Variants in PRICKLE1 observed in about 807,000 individuals in gnomAD.
PRICKLE1 encodes prickle planar cell polarity protein 1.
A neutral mutation model predicts 70.2 loss-of-function variants in PRICKLE1; 14 were observed. The observed-to-expected ratio is 0.20, with a 90% CI of 0.13 to 0.31. PRICKLE1 has a LOEUF of 0.31. Among genes scored for constraint, PRICKLE1 ranks in the 10% least tolerant of loss-of-function variants. The pLI is 1.00. For missense variants in PRICKLE1, 821 were observed against 1,026.2 expected (o/e 0.80, Z 2.73); for synonymous variants, 357 against 379.9 (o/e 0.94, Z 0.70).
chr12:42,547,940 T>A (rs1277702374), intron 1 of PRICKLE1, among the ~76,000 whole-genome samples: 1 of 152,216 alleles, frequency 6.6e-6, no homozygotes, highest in African/African-American at 2.4e-5. Context: ...AGTCTCAACA[T>A]GAAATTTAAT....
At chr12:42,575,076 C>G (rs1045767987) in intron 1 of PRICKLE1, among the ~76,000 whole-genome samples, 5 of 151,008 alleles carry the variant, frequency 3.3e-5, no homozygotes, top group African/African-American at 9.7e-5. Flanking sequence ...GTCATAAAAG[C>G]ATAATATTCA....
At chr12:42,477,482 GTATATATA>G (rs139988285) in intron 1 of PRICKLE1, among the ~76,000 whole-genome samples, 2,896 of 113,118 alleles carry the variant, frequency 0.026, 56 homozygotes, top group South Asian at 0.046. Flanking sequence ...GTGTGTGTGT[GTATATATA>G]TATATATATA....
chr12:42,465,357 G>A, intron 6 of PRICKLE1, 99 bp from the exon 7 acceptor site: 1 of 1,181,204 alleles, frequency 8.5e-7, no homozygotes, highest in African/African-American at 1.5e-5. Context: ...TTATGGGTAT[G>A]GGGGAGCTGT....
rs12319478 is a variant in PRICKLE1 at position 42,572,625 on chromosome 12, C to A, written c.-49+16840G>T. 5.8e-3 allele frequency among the ~76,000 whole-genome samples: 885 copies of A among 151,882 alleles called. 10 individuals are homozygous for A. Among genetic ancestry groups the A allele is most frequent in the African/African-American group, 0.021 (852 of 41,402 alleles). On this transcript the variant is annotated intron_variant, in intron 1 of 7. Coordinates refer to ENST00000345127, the MANE Select transcript of PRICKLE1 (RefSeq NM_153026.3). ...GTCATTTGAGTCTAGGAGTTTGTGA[C>A]CAGCCTGGGCAATAAAGTGAGACCT...
chr12:42,479,137 C>T (rs987163282), intron 1 of PRICKLE1, among the ~76,000 whole-genome samples: 3 of 152,204 alleles, frequency 2.0e-5, no homozygotes, highest in African/African-American at 7.2e-5. Flanking sequence ...ATTAAAGCTC[C>T]TATTGCAACG....
At position 42,459,978 on chromosome 12, in the gene PRICKLE1, C is replaced by G; in HGVS notation, c.2327G>C (p.Gly776Ala). The change falls in exon 8 of 8, where the codon GGA becomes GCA. Residue 776 changes from glycine (G) to alanine (A), a missense_variant. By Grantham distance (60) the Gly-to-Ala change is moderately conservative. Transcript: ENST00000345127. ...SSSSSDSEEE[G>A]YFLGQPIPQP... Reference sequence around the variant, plus strand: ...AGGGATTGGTTGTCCAAGAAAATATCCTTCTTCTTCCGAGTCGGAAGAGGA... The same window carrying G: ...AGGGATTGGTTGTCCAAGAAAATATGCTTCTTCTTCCGAGTCGGAAGAGGA... 1 of 1,614,100 alleles carries G rather than the reference C, an allele frequency of 6.2e-7. No individual in the cohort carries two copies. The highest frequency in any genetic ancestry group is 8.5e-7 in the Non-Finnish European group (1 of 1,180,022).
intron 1 of PRICKLE1, among the ~76,000 whole-genome samples, chr12:42,499,736 T>G (rs1451966244): frequency 1.3e-5 from 2 of 149,854 alleles, no homozygotes; most frequent in East Asian, 3.9e-4. Flanking sequence ...ATTTATTTAT[T>G]TATTTATTTG....
At chr12:42,527,179 A>C (rs11181538) in intron 1 of PRICKLE1, among the ~76,000 whole-genome samples, 78,552 of 137,608 alleles carry the variant, frequency 0.57, 21,982 homozygotes, top group Middle Eastern at 0.72. Flanking sequence ...GTAGCCCCGG[A>C]TGGAGTGCAG....
At chr12:42,463,492 G>C (rs186779180) in intron 7 of PRICKLE1, 1 of 152,134 alleles carries the variant, frequency 6.6e-6, no homozygotes, top group African/African-American at 2.4e-5. Flanking sequence ...GGCTGAGGCG[G>C]GTGGATCACC....
intron 1 of PRICKLE1, among the ~76,000 whole-genome samples, chr12:42,481,375 A>G (rs1938787035): frequency 6.6e-6 from 1 of 152,214 alleles, no homozygotes; most frequent in Non-Finnish European, 1.5e-5. Flanking sequence ...TAGTTCCTAT[A>G]TGAAGACTAC....
chr12:42,494,850 A>G (rs2063516634), intron 1 of PRICKLE1, among the ~76,000 whole-genome samples: 1 of 148,502 alleles, frequency 6.7e-6, no homozygotes, highest in Admixed American at 6.7e-5. Context: ...ATAAAATTCG[A>G]TTATGAGATT....
rs774311546 is a variant in PRICKLE1 at position 42,457,929 on chromosome 12, A to C, written c.*1880T>G. 19 of 152,168 alleles carry C rather than the reference A, an allele frequency of 1.2e-4. No homozygotes were observed. The highest frequency in any genetic ancestry group is 3.3e-4 in the Admixed American group (5 of 15,266). The allele number at this position is 152,168 out of a possible 1,614,324, so 9.4% of individuals were successfully genotyped here. ...CTGTCTCTGACTTTTGCCCTATTTG[A>C]ATTTTTTTGTCATGTGTATGCACTT... On this transcript the variant is annotated 3_prime_UTR_variant, in exon 8 of 8. Transcript: ENST00000345127.
At chr12:42,570,994 T>C (rs776572910) in intron 1 of PRICKLE1, among the ~76,000 whole-genome samples, 1 of 152,216 alleles carries the variant, frequency 6.6e-6, no homozygotes, top group African/African-American at 2.4e-5. Flanking sequence ...CATATTAATG[T>C]CAACAATAAC....
In PRICKLE1 at chr12:42,466,282, C is replaced by T. The variant is rs761315405; in HGVS notation, c.687G>A (p.Arg229=). The change falls in exon 6 of 8, where the codon AGG becomes AGA. Residue 229 remains arginine, a synonymous_variant. Transcript: ENST00000345127. Reference sequence around the variant, plus strand: ...AGGGGCGGCCGTCCTTCATGATATACCTCTGTCCTCCCAGGACCGTTTCAC... The same window carrying T: ...AGGGGCGGCCGTCCTTCATGATATATCTCTGTCCTCCCAGGACCGTTTCAC... ...LECETVLGGQ[R]YIMKDGRPFC... 6.2e-7 allele frequency: 1 copy of T among 1,614,192 alleles called. No homozygotes were observed. The highest frequency in any genetic ancestry group is 8.5e-7 in the Non-Finnish European group (1 of 1,180,038).
chr12:42,465,079 C>T lies in PRICKLE1; in HGVS notation c.955G>A (p.Asp319Asn), dbSNP rs2140102387. The T allele has an allele frequency of 1.3e-6, 2 of 1,567,566 alleles. No individual in the cohort carries two copies. Residue 319 changes from aspartate to asparagine, a missense_variant, in exon 7 of 8, where the codon GAC becomes AAC. Coordinates refer to ENST00000345127, the MANE Select transcript of PRICKLE1 (RefSeq NM_153026.3). ...GATCGAGCTGACTGAAATGCAGAGT[C>T]GGAAGAATCAGAGGCATGGACGTCT... ...GEDVHASDSS[D>N]SAFQSARSRD...
At chr12:42,515,400 C>T (rs951116016) in intron 1 of PRICKLE1, among the ~76,000 whole-genome samples, 2 of 151,958 alleles carry the variant, frequency 1.3e-5, no homozygotes, top group Non-Finnish European at 2.9e-5. Context: ...CCACCACGCC[C>T]GACTAATTTT....
At chr12:42,505,037 G>A (rs1464480403) in intron 1 of PRICKLE1, among the ~76,000 whole-genome samples, 1 of 152,154 alleles carries the variant, frequency 6.6e-6, no homozygotes, top group Non-Finnish European at 1.5e-5. Context: ...CTACTCGGAG[G>A]CTGAGGCAGG....
At chr12:42,488,004 A>G (rs1939020125) in intron 1 of PRICKLE1, among the ~76,000 whole-genome samples, 1 of 152,148 alleles carries the variant, frequency 6.6e-6, no homozygotes. Context: ...TCATGCCACT[A>G]CACTCCAGCC....
chr12:42,522,439 C>T (rs1939728815), intron 1 of PRICKLE1, among the ~76,000 whole-genome samples: 1 of 152,160 alleles, frequency 6.6e-6, no homozygotes, highest in Admixed American at 6.5e-5. Context: ...CATGCTTATA[C>T]AACTAGAATG....
Sources: gnomAD v4.1 joint callset for allele counts (sites outside exome capture counted in the v4.1 genomes callset) on GRCh38, gnomAD v4.1.1 for gene constraint, MANE v1.5 for transcripts, NCBI Gene and HGNC (gene_info 2026-07-23, HGNC 2026-07-21) for gene names.